VPS53: variants seen among roughly 807,000 people sequenced by gnomAD.
VPS53 encodes VPS53 subunit of GARP complex.
In VPS53, 70 loss-of-function variants were observed where a neutral mutation model predicts 107.0. That is an observed-to-expected ratio of 0.65 (90% CI 0.54 to 0.80). The LOEUF (loss-of-function observed/expected upper bound fraction) is 0.80. Among genes scored for constraint, VPS53 ranks in the 30% least tolerant of loss-of-function variants. The pLI is 0.00. For synonymous variants in VPS53, 409 were observed against 393.3 expected, an observed-to-expected ratio of 1.04 and a Z score of -0.47; for missense variants, 917 against 1,049.4, an observed-to-expected ratio of 0.87 and a Z score of 1.74.
rs1907977759 is a variant in VPS53, at chr17:512,057, T to TCCC, written c.*7070_*7071insGGG. On this transcript the variant is annotated 3_prime_UTR_variant, in exon 22 of 22. Transcript: ENST00000437048. The stretch of plus-strand genomic sequence containing the variant: ...GCCAGGGGAAGGGGATACTGCTCAG[T>TCCC]CTTTTAAAACTCTCGTGTAAGCTTG... 1 of 152,218 alleles carries TCCC rather than the reference T, an allele frequency of 6.6e-6. No individual in the cohort carries two copies. Among genetic ancestry groups the TCCC allele is most frequent in the Non-Finnish European group, 1.5e-5 (1 of 68,044 alleles). The allele number at this position is 152,218 out of a possible 1,614,324, so 9.4% of individuals were successfully genotyped here.
chr17:571,351 T>C (rs1425512528), intron 13 of VPS53, among the ~76,000 whole-genome samples: 1 of 152,008 alleles, frequency 6.6e-6, no homozygotes, highest in Admixed American at 6.6e-5. Context: ...GTGCATTACG[T>C]GTGTGGGGGA....
chr17:568,178 G>A (rs975483066), intron 13 of VPS53, among the ~76,000 whole-genome samples: 1 of 152,170 alleles, frequency 6.6e-6, no homozygotes, highest in African/African-American at 2.4e-5. Context: ...AAAGACAGTA[G>A]CCAGAAGATG....
At chr17:681,667 T>C (rs1023999557) in intron 4 of VPS53, among the ~76,000 whole-genome samples, 1 of 152,048 alleles carries the variant, frequency 6.6e-6, no homozygotes, top group Admixed American at 6.5e-5. Flanking sequence ...TAGGCTGCTA[T>C]TAATATAACC....
At chr17:548,110 A>G (rs1911388481) in intron 17 of VPS53, among the ~76,000 whole-genome samples, 1 of 152,250 alleles carries the variant, frequency 6.6e-6, no homozygotes, top group East Asian at 1.9e-4. Flanking sequence ...CATTCAGGGA[A>G]GTAAACATGG....
At chr17:560,333 G>A in intron 15 of VPS53, 93 bp downstream of exon 15, 5 of 1,461,368 alleles carry the variant, frequency 3.4e-6, no homozygotes, top group Non-Finnish European at 4.6e-6. Context: ...GTTGTCTGTG[G>A]CCATGTTAGG....
chr17:634,519 A>C, intron 7 of VPS53, among the ~76,000 whole-genome samples: 1 of 147,984 alleles, frequency 6.8e-6, no homozygotes, highest in Admixed American at 6.7e-5. Flanking sequence ...TACATTAGCT[A>C]TATCTCCTAA....
At chr17:671,317 AAAAG>A (rs1220422297) in intron 4 of VPS53, among the ~76,000 whole-genome samples, 2 of 151,954 alleles carry the variant, frequency 1.3e-5, no homozygotes, top group Admixed American at 6.6e-5. Flanking sequence ...GAAAAAGAAA[AAAAG>A]AAAAGAGAGA....
intron 18 of VPS53, among the ~76,000 whole-genome samples, chr17:535,674 G>A (rs564684425): frequency 5.3e-5 from 8 of 152,284 alleles, no homozygotes; most frequent in East Asian, 1.9e-4. Context: ...TATGGGGAGC[G>A]TCACGATGTG....
chr17:551,765 G>A (rs1220212837), intron 17 of VPS53, 107 bp downstream of exon 17: 2 of 990,642 alleles, frequency 2.0e-6, no homozygotes, highest in South Asian at 2.0e-5. Context: ...CTCCTCAGCT[G>A]ATCCTTTACG....
chr17:520,857 T>TG lies in VPS53; in HGVS notation c.2223+743_2223+744insC, dbSNP rs34035787. The stretch of plus-strand genomic sequence containing the variant: ...CTGCTTCACCCTCACCTACATGAGC[T>TG]CTTCACCCTCACCTACATGAGCTCT... On this transcript the variant is annotated intron_variant, in intron 20 of 21. Transcript: ENST00000437048. This position sits in a 1 kb window ranked among gnomAD's most constrained non-coding sequence, Gnocchi z 4.4. Among the ~76,000 whole-genome samples the TG allele has an allele frequency of 7.8e-3, 662 of 84,782 alleles. No homozygotes were observed. Among genetic ancestry groups the TG allele is most frequent in the Middle Eastern group, 0.016 (3 of 188 alleles). The allele number at this position is 84,782 out of a possible 152,430, so 55.6% of individuals were successfully genotyped here. A position where few individuals can be genotyped will look rare whatever the true frequency, so the allele number is the denominator to read the frequency against.
intron 2 of VPS53, among the ~76,000 whole-genome samples, chr17:703,056 A>G (rs1169244264): frequency 2.6e-5 from 4 of 152,094 alleles, no homozygotes; most frequent in African/African-American, 9.7e-5. Context: ...AAAAATACAA[A>G]AAACTACCTG....
At chr17:629,934 T>A (rs775225701) in intron 8 of VPS53, among the ~76,000 whole-genome samples, 27 of 150,442 alleles carry the variant, frequency 1.8e-4, no homozygotes, top group Non-Finnish European at 3.8e-4. Flanking sequence ...GGAAAAAAAA[T>A]ATAAAGCAGG....
chr17:523,235 T>A (rs1011294789), intron 19 of VPS53: 1 of 152,508 alleles, frequency 6.6e-6, no homozygotes, highest in Admixed American at 6.6e-5. Flanking sequence ...GACAGAAGGG[T>A]GTACTCTGGC....
chr17:521,861 G>A, intron 19 of VPS53, 123 bp from the exon 20 acceptor site: 6 of 1,162,202 alleles, frequency 5.2e-6, no homozygotes, highest in East Asian at 3.0e-5. Flanking sequence ...AAAAAATTGG[G>A]GAAATAAACA....
intron 11 of VPS53, among the ~76,000 whole-genome samples, chr17:610,466 C>T (rs1358646874): frequency 5.9e-5 from 9 of 152,062 alleles, no homozygotes; most frequent in South Asian, 2.1e-4. Flanking sequence ...CCTTGGATTA[C>T]GTAACAGTTT....
intron 13 of VPS53, among the ~76,000 whole-genome samples, chr17:584,211 G>A (rs1967200013): frequency 6.6e-6 from 1 of 152,192 alleles, no homozygotes; most frequent in Non-Finnish European, 1.5e-5. Flanking sequence ...GGCTTCCTCT[G>A]GGAGCCCAGG....
intron 4 of VPS53, among the ~76,000 whole-genome samples, chr17:695,638 C>A (rs1343987560): frequency 3.3e-5 from 5 of 152,086 alleles, no homozygotes; most frequent in African/African-American, 4.8e-5. Flanking sequence ...CAGCCTCGAA[C>A]TTCCTGGCTC....
chr17:558,357 C>T (rs563648744), intron 15 of VPS53, among the ~76,000 whole-genome samples: 2 of 152,172 alleles, frequency 1.3e-5, no homozygotes, highest in African/African-American at 4.8e-5. Context: ...GTCCCAGCTA[C>T]TCACAGTGGC....
chr17:601,981 C>T, intron 11 of VPS53, 85 bp from the exon 12 acceptor site: 2 of 1,038,018 alleles, frequency 1.9e-6, no homozygotes, highest in Non-Finnish European at 2.7e-6. Context: ...TAGGTGTCTC[C>T]AACAAGGAAG....
Sources: gnomAD v4.1 joint callset for allele counts (sites outside exome capture counted in the v4.1 genomes callset) on GRCh38, gnomAD v4.1.1 for gene constraint, Gnocchi (gnomAD v3.1) non-coding constraint, MANE v1.5 for transcripts, NCBI Gene and HGNC (gene_info 2026-07-23, HGNC 2026-07-21) for gene names.